CTSS: variants seen among roughly 807,000 people sequenced by gnomAD.
CTSS encodes cathepsin S.
Under a neutral mutation model 39.9 loss-of-function variants are expected in CTSS, and 15 were observed. The observed-to-expected ratio is 0.38, with a 90% CI of 0.25 to 0.58. The LOEUF is 0.58. Among genes scored for constraint, CTSS ranks in the 20% least tolerant of loss-of-function variants. CTSS has a pLI of 0.70. For synonymous variants in CTSS, 126 were observed against 138.2 expected, an observed-to-expected ratio of 0.91 and a Z score of 0.62; for missense variants, 250 against 398.2, an observed-to-expected ratio of 0.63 and a Z score of 3.17.
chr1:150,756,326 A>G (rs915526960), intron 3 of CTSS, among the ~76,000 whole-genome samples: 1 of 152,238 alleles, frequency 6.6e-6, no homozygotes, highest in African/African-American at 2.4e-5. Flanking sequence ...GCTGTTTTAC[A>G]GTTAACTTTT....
In CTSS at chr1:150,730,842, A is replaced by C. The variant is rs1319602171; in HGVS notation, c.*2204T>G. ...TCACTATTTCAAATTTAGGATAGCTATTAACTCTTATTTAATGCATTTATA... is the reference window on the plus strand; with the variant it reads ...TCACTATTTCAAATTTAGGATAGCTCTTAACTCTTATTTAATGCATTTATA... On this transcript the variant is annotated 3_prime_UTR_variant, in exon 8 of 8. Coordinates refer to ENST00000368985, the MANE Select transcript of CTSS (RefSeq NM_004079.5). 1 of 152,034 alleles carries C rather than the reference A, an allele frequency of 6.6e-6. No homozygotes were observed. The highest frequency in any genetic ancestry group is 1.9e-4 in the East Asian group (1 of 5,194). 9.4% of individuals were successfully genotyped at this position (152,034 alleles called of 1,614,324 possible).
At chr1:150,758,022 G>A (rs756194673) in intron 2 of CTSS, 42 bp from the exon 3 acceptor site, 5 of 1,570,844 alleles carry the variant, frequency 3.2e-6, no homozygotes, top group African/African-American at 1.4e-5. Flanking sequence ...CTGCATCCTG[G>A]ACAAATAAGT....
chr1:150,761,603 T>C (rs6696167), intron 2 of CTSS, among the ~76,000 whole-genome samples: 11,277 of 152,026 alleles, frequency 0.074, 589 homozygotes, highest in East Asian at 0.18. Context: ...TGGTGGCACA[T>C]GCCTGTAATC....
At chr1:150,741,356 A>G (rs1446668705) in intron 7 of CTSS, among the ~76,000 whole-genome samples, 1 of 152,202 alleles carries the variant, frequency 6.6e-6, no homozygotes, top group Non-Finnish European at 1.5e-5. Flanking sequence ...ATTTAAATAT[A>G]TATCCCAAGT....
chr1:150,762,133 GTCAA>G (rs772758797), intron 2 of CTSS, among the ~76,000 whole-genome samples: 2 of 152,116 alleles, frequency 1.3e-5, no homozygotes, highest in Non-Finnish European at 2.9e-5. Context: ...CAACTTTATG[GTCAA>G]TCAATTTTCA....
At chr1:150,738,119 T>A (rs908076797) in intron 7 of CTSS, among the ~76,000 whole-genome samples, 1 of 152,128 alleles carries the variant, frequency 6.6e-6, no homozygotes, top group Admixed American at 6.5e-5. Context: ...CTTTATGCTT[T>A]AAAAAGATAA....
intron 2 of CTSS, among the ~76,000 whole-genome samples, chr1:150,759,034 TATTA>T (rs1653196818): frequency 8.2e-6 from 1 of 122,472 alleles, no homozygotes; most frequent in African/African-American, 3.0e-5. Context: ...TTTATTTTAT[TATTA>T]TTTTTTTTTT....
rs150955279 is a variant in CTSS, at chr1:150,755,086, A to T, written c.314T>A (p.Ile105Asn). The change falls in exon 4 of 8, where the codon ATC (isoleucine) becomes AAC (asparagine). Residue 105 changes from isoleucine (I) to asparagine (N), a missense_variant. By Grantham distance (149) the Ile-to-Asn change is moderately radical. Transcript: ENST00000368985. Reference protein sequence around the residue: ...LRVPSQWQRNITYKSNPNRIL... With the variant: ...LRVPSQWQRNNTYKSNPNRIL... Reference sequence around the variant, plus strand: ...CCGATTAGGGTTTGACTTATATGTGATATTTCTCTGCCACTGGCTGGGAAC... The same window carrying T: ...CCGATTAGGGTTTGACTTATATGTGTTATTTCTCTGCCACTGGCTGGGAAC... 6.2e-7 allele frequency: 1 copy of T among 1,614,192 alleles called. No homozygotes were observed.
At position 150,749,440 on chromosome 1, in the gene CTSS, A is replaced by G. The variant is rs587687958; in HGVS notation, c.793+566T>C. 1.9e-4 allele frequency among the ~76,000 whole-genome samples: 29 copies of G among 152,324 alleles called. No individual in the cohort carries two copies. The East Asian group carries it at 5.6e-3, about 29-fold the overall frequency. ...ATGCCTTTACGCCAAAACCTAATCC[A>G]GAACAAGACCCTAACTCTCTTCTAT... On this transcript the variant is annotated intron_variant, in intron 6 of 7. Transcript: ENST00000368985.
chr1:150,737,408 G>A (rs376308252), intron 7 of CTSS, among the ~76,000 whole-genome samples: 1 of 152,024 alleles, frequency 6.6e-6, no homozygotes, highest in Non-Finnish European at 1.5e-5. Context: ...GGCTGAGTCC[G>A]TCTACTTTTA....
chr1:150,764,468 C>G (rs1653325641), intron 2 of CTSS, among the ~76,000 whole-genome samples, 170 bp downstream of exon 2: 1 of 152,132 alleles, frequency 6.6e-6, no homozygotes, highest in Admixed American at 6.6e-5. Flanking sequence ...GAACTCCTGA[C>G]CTCAGGTGAT....
At chr1:150,749,582 G>T (rs1056456456) in intron 6 of CTSS, among the ~76,000 whole-genome samples, 1 of 7,164 alleles carries the variant, frequency 1.4e-4, no homozygotes, top group Non-Finnish European at 3.3e-4. Flanking sequence ...ACCCCGCCCC[G>T]CCCCGCCCCG....
At chr1:150,746,145 C>T (rs1476857027) in intron 7 of CTSS, among the ~76,000 whole-genome samples, 1 of 152,006 alleles carries the variant, frequency 6.6e-6, no homozygotes, top group Admixed American at 6.6e-5. Context: ...CCTGTGTCCA[C>T]GAATATTTTC....
At chr1:150,761,242 G>A (rs1653254090) in intron 2 of CTSS, among the ~76,000 whole-genome samples, 2 of 149,038 alleles carry the variant, frequency 1.3e-5, no homozygotes, top group Non-Finnish European at 3.0e-5. Context: ...ACTGATACAT[G>A]AATTCAGTAA....
At position 150,757,858 on chromosome 1, in the gene CTSS, C is replaced by T; in HGVS notation, c.249G>A (p.Met83Ile). The stretch of plus-strand genomic sequence containing the variant: ...GTGGGATTTCTTGTAATGTACCTAC[C>T]ATGTCTCCCAGGTGGTTCATGCCCA... ...YDLGMNHLGD[M>I]TSEEVMSLMS... The change falls in exon 3 of 8, where the codon ATG (methionine) becomes ATA (isoleucine). Residue 83 changes from methionine (M) to isoleucine (I), a missense_variant and splice_region_variant. Met to Ile is a conservative substitution (Grantham distance 10). Transcript: ENST00000368985. 2 of 1,612,854 alleles carry T rather than the reference C, an allele frequency of 1.2e-6. No individual in the cohort carries two copies. Among genetic ancestry groups the T allele is most frequent in the Non-Finnish European group, 1.7e-6 (2 of 1,179,116 alleles).
At chr1:150,742,088 C>T (rs939253388) in intron 7 of CTSS, among the ~76,000 whole-genome samples, 2 of 151,928 alleles carry the variant, frequency 1.3e-5, no homozygotes, top group East Asian at 3.9e-4. Flanking sequence ...GAAACTCCAT[C>T]TCTACTAAAA....
Position 150,750,130 on chromosome 1 carries a change from T to C in CTSS, c.669A>G (p.Thr223=). The change falls in exon 6 of 8, where the codon ACA becomes ACG. Residue 223 remains threonine (T), a synonymous_variant. Transcript: ENST00000368985. ...CQYDSKYRAA[T]CSKYTELPYG... Reference sequence around the variant, plus strand: ...AAGGAAGTTCAGTGTACTTTGAACATGTGGCAGCACGATATTTTGAGTCAT... The same window carrying C: ...AAGGAAGTTCAGTGTACTTTGAACACGTGGCAGCACGATATTTTGAGTCAT... 1 of 1,613,598 alleles carries C rather than the reference T, an allele frequency of 6.2e-7. No homozygotes were observed. The highest frequency in any genetic ancestry group is 1.7e-4 in the Middle Eastern group (1 of 6,060).
At chr1:150,764,490 G>T (rs1653326708) in intron 2 of CTSS, 148 bp downstream of exon 2, 1 of 971,648 alleles carries the variant, frequency 1.0e-6, no homozygotes, top group Non-Finnish European at 1.5e-6. Context: ...CGCTCACCTT[G>T]GCCTTCCAAA....
At position 150,732,763 on chromosome 1, in the gene CTSS, G is replaced by A. The variant is rs961666023; in HGVS notation, c.*283C>T. On this transcript the variant is annotated 3_prime_UTR_variant, in exon 8 of 8. Coordinates refer to ENST00000368985, the MANE Select transcript of CTSS (RefSeq NM_004079.5). ...GCTGGGATTACAGGCATGCACCACC[G>A]TGCTCGGCTAATTTTTTGTATTTTT... 1.1e-4 allele frequency: 26 copies of A among 242,434 alleles called. No homozygotes were observed. The highest frequency in any genetic ancestry group is 5.5e-4 in the African/African-American group (24 of 43,346). The allele number at this position is 242,434 out of a possible 1,614,324, so 15.0% of individuals were successfully genotyped here.
Sources: allele counts gnomAD v4.1 joint callset (sites outside exome capture counted in the v4.1 genomes callset), GRCh38; gene constraint gnomAD v4.1.1; transcripts MANE v1.5; gene names NCBI Gene and HGNC (gene_info 2026-07-23, HGNC 2026-07-21).